Variants in ATRNL1 observed in about 807,000 individuals in gnomAD.
ATRNL1 encodes attractin-like protein 1.
In ATRNL1, 95 loss-of-function variants were observed where a neutral mutation model predicts 182.7. The observed-to-expected ratio is 0.52, with a 90% CI of 0.44 to 0.62. ATRNL1 has a LOEUF of 0.62. Ranked by LOEUF, ATRNL1 falls within the 20% of genes least tolerant of loss-of-function variation. The pLI is 0.00. For missense variants in ATRNL1, 1,471 were observed against 1,679.5 expected, an observed-to-expected ratio of 0.88 and a Z score of 2.17; for synonymous variants, 576 against 568.3, an observed-to-expected ratio of 1.01 and a Z score of -0.19.
chr10:115,578,965 C>A (rs1854896981), intron 26 of ATRNL1, among the ~76,000 whole-genome samples: 1 of 151,610 alleles, frequency 6.6e-6, no homozygotes, highest in Non-Finnish European at 1.5e-5. Context: ...TTCTTGATCT[C>A]ATTTCCAAAG....
intron 19 of ATRNL1, among the ~76,000 whole-genome samples, chr10:115,388,873 G>A (rs946260687): frequency 5.3e-5 from 8 of 151,788 alleles, no homozygotes; most frequent in Non-Finnish European, 8.8e-5. Context: ...GTAAAATGTG[G>A]CATTTACATT....
At chr10:115,228,791 G>T (rs868912108) in intron 9 of ATRNL1, among the ~76,000 whole-genome samples, 2 of 130,100 alleles carry the variant, frequency 1.5e-5, no homozygotes, top group Admixed American at 8.1e-5. Flanking sequence ...TTGAGATGAA[G>T]TTTCGCTCTT....
intron 27 of ATRNL1, among the ~76,000 whole-genome samples, chr10:115,779,408 A>G (rs1392593374): frequency 6.6e-6 from 1 of 152,208 alleles, no homozygotes; most frequent in Non-Finnish European, 1.5e-5. Flanking sequence ...GAATGCCTCT[A>G]GGTCTGAGGG....
intron 24 of ATRNL1, among the ~76,000 whole-genome samples, chr10:115,502,841 A>G (rs1264162126): frequency 6.6e-6 from 1 of 152,116 alleles, no homozygotes; most frequent in Non-Finnish European, 1.5e-5. Flanking sequence ...GTGTATACCT[A>G]TGTAACAAAA....
intron 27 of ATRNL1, among the ~76,000 whole-genome samples, chr10:115,767,434 A>G (rs936743915): frequency 6.6e-6 from 1 of 152,138 alleles, no homozygotes. Flanking sequence ...TGGATCCTGC[A>G]TACCACAACC....
At chr10:115,143,048 C>A (rs1268483256) in intron 5 of ATRNL1, among the ~76,000 whole-genome samples, 1 of 152,044 alleles carries the variant, frequency 6.6e-6, no homozygotes, top group African/African-American at 2.4e-5. Flanking sequence ...GGAGAGAGAT[C>A]TGTACTGTAG....
At chr10:115,525,716 C>A (rs1201238403) in intron 25 of ATRNL1, among the ~76,000 whole-genome samples, 1 of 152,114 alleles carries the variant, frequency 6.6e-6, no homozygotes, top group Non-Finnish European at 1.5e-5. Context: ...ATTTTTCAGG[C>A]TTCTACGAGT....
chr10:115,569,284 CAG>C (rs1474848339), intron 26 of ATRNL1, among the ~76,000 whole-genome samples: 1 of 152,100 alleles, frequency 6.6e-6, no homozygotes, highest in East Asian at 1.9e-4. Context: ...TCCCTATAAA[CAG>C]ACTCTTGATG....
At chr10:115,523,092 T>C (rs1323616260) in intron 25 of ATRNL1, among the ~76,000 whole-genome samples, 1 of 152,160 alleles carries the variant, frequency 6.6e-6, no homozygotes, top group Admixed American at 6.5e-5. Context: ...ACTCAGGCTT[T>C]TCAATACATC....
chr10:115,288,083 T>C (rs556554983), intron 15 of ATRNL1, among the ~76,000 whole-genome samples: 9 of 152,324 alleles, frequency 5.9e-5, no homozygotes, highest in African/African-American at 2.2e-4. Context: ...GACTGAATAT[T>C]ATCCCCTTAC....
At chr10:115,725,253 C>A (rs1555059570) in intron 26 of ATRNL1, among the ~76,000 whole-genome samples, 1 of 152,058 alleles carries the variant, frequency 6.6e-6, no homozygotes, top group East Asian at 1.9e-4. Context: ...TCGCATTCTA[C>A]AAATTTAAAA....
chr10:115,199,491 G>A (rs1252853932), intron 8 of ATRNL1, among the ~76,000 whole-genome samples: 1 of 152,062 alleles, frequency 6.6e-6, no homozygotes, highest in East Asian at 1.9e-4. Context: ...TTGAACTTGG[G>A]CAGTGGGGGT....
intron 19 of ATRNL1, among the ~76,000 whole-genome samples, chr10:115,376,136 CA>C (rs1259894118): frequency 1.3e-5 from 2 of 151,842 alleles, no homozygotes; most frequent in East Asian, 3.9e-4. Context: ...TTCCTGTAAG[CA>C]ATTTGAATAC....
At chr10:115,711,863 A>G (rs1385864289) in intron 26 of ATRNL1, among the ~76,000 whole-genome samples, 1 of 152,170 alleles carries the variant, frequency 6.6e-6, no homozygotes, top group Admixed American at 6.6e-5. Flanking sequence ...AAATTCCAAA[A>G]ACATAGAAAT....
intron 8 of ATRNL1, among the ~76,000 whole-genome samples, chr10:115,211,354 C>T (rs782527245): frequency 3.3e-5 from 5 of 151,074 alleles, no homozygotes; most frequent in African/African-American, 7.3e-5. Flanking sequence ...CATTTGAAAA[C>T]AGTTGTGCTA....
chr10:115,406,591 A>C (rs1844839330), intron 20 of ATRNL1, among the ~76,000 whole-genome samples: 1 of 152,158 alleles, frequency 6.6e-6, no homozygotes, highest in Admixed American at 6.5e-5. Context: ...CTTAAGCTTA[A>C]AAAATTCCTT....
chr10:115,430,646 AC>A lies in ATRNL1; in HGVS notation c.3322+4347del, dbSNP rs1846116607. Among the ~76,000 whole-genome samples, 3 of 151,998 alleles carry A rather than the reference AC, an allele frequency of 2.0e-5. 1 individual carries two copies. The highest frequency in any genetic ancestry group is 4.4e-5 in the Non-Finnish European group (3 of 67,994). On this transcript the variant is annotated intron_variant, in intron 21 of 28. Coordinates refer to ENST00000355044, the MANE Select transcript of ATRNL1 (RefSeq NM_207303.4). ...CTTGATAGGTAGTTTTTAGATCCTCACCCTCCTCCAATCCACAAAACATTTG... is the reference window on the plus strand; with the variant it reads ...CTTGATAGGTAGTTTTTAGATCCTCACCTCCTCCAATCCACAAAACATTTG...
intron 10 of ATRNL1, among the ~76,000 whole-genome samples, chr10:115,255,362 A>G (rs1197855406): frequency 2.6e-5 from 4 of 152,112 alleles, no homozygotes; most frequent in African/African-American, 9.7e-5. Context: ...CATCCCTTGT[A>G]AGTTGGCTTC....
At chr10:115,396,258 G>T (rs147902656) in intron 20 of ATRNL1, among the ~76,000 whole-genome samples, 434 of 151,878 alleles carry the variant, frequency 2.9e-3, no homozygotes, top group Non-Finnish European at 4.2e-3. Context: ...TATTAAGGAA[G>T]GCCATTTTGG....
Sources: allele counts gnomAD v4.1 joint callset (sites outside exome capture counted in the v4.1 genomes callset), GRCh38; gene constraint gnomAD v4.1.1; transcripts MANE v1.5; gene names NCBI Gene and HGNC (gene_info 2026-07-23, HGNC 2026-07-21).